Variants in NRG3 observed in about 807,000 individuals in gnomAD.
The protein encoded by NRG3 is pro-neuregulin-3, membrane-bound isoform.
NRG3 carries 31 observed loss-of-function variants against 66.9 expected under a neutral mutation model. The observed-to-expected ratio is 0.46, with a 90% confidence interval of 0.35 to 0.63. The LOEUF (loss-of-function observed/expected upper bound fraction) is 0.63. Ranked by LOEUF, NRG3 falls within the 20% of genes least tolerant of loss-of-function variation. NRG3 has a pLI of 0.00. For synonymous variants in NRG3, 393 were observed against 359.4 expected (o/e 1.09, Z -1.06); for missense variants, 910 against 878.9 (o/e 1.04, Z -0.45).
chr10:82,896,995 G>A (rs1843714431), intron 4 of NRG3, among the ~76,000 whole-genome samples: 1 of 152,194 alleles, frequency 6.6e-6, no homozygotes, highest in African/African-American at 2.4e-5. Context: ...CTGCTCATGA[G>A]AGAAGAAATT....
At chr10:81,894,758 C>T (rs1157027143) in intron 1 of NRG3, among the ~76,000 whole-genome samples, 1 of 152,184 alleles carries the variant, frequency 6.6e-6, no homozygotes, top group Non-Finnish European at 1.5e-5. Context: ...TTCCACTGTT[C>T]TGCTCCATTG....
chr10:82,530,929 A>G (rs1847187284), intron 2 of NRG3, among the ~76,000 whole-genome samples: 1 of 151,906 alleles, frequency 6.6e-6, no homozygotes, highest in Admixed American at 6.6e-5. Context: ...GAATGATAAA[A>G]GGCAATTTAT....
chr10:82,115,101 A>G (rs1368020929), intron 1 of NRG3, among the ~76,000 whole-genome samples: 3 of 152,078 alleles, frequency 2.0e-5, no homozygotes, highest in Non-Finnish European at 4.4e-5. Flanking sequence ...CTTGCTGCCT[A>G]CATGAGGCAG....
At chr10:82,789,647 C>A (rs1431732593) in intron 3 of NRG3, among the ~76,000 whole-genome samples, 1 of 151,898 alleles carries the variant, frequency 6.6e-6, no homozygotes, top group Non-Finnish European at 1.5e-5. Context: ...TAATATCTGC[C>A]TTTTATTGGA....
At chr10:82,721,418 G>A (rs973640976) in intron 2 of NRG3, among the ~76,000 whole-genome samples, 8 of 151,044 alleles carry the variant, frequency 5.3e-5, no homozygotes, top group South Asian at 4.2e-4. Flanking sequence ...GATTACAGGC[G>A]TGAGCCACCG....
At chr10:82,034,259 G>C (rs1035367886) in intron 1 of NRG3, among the ~76,000 whole-genome samples, 1 of 152,050 alleles carries the variant, frequency 6.6e-6, no homozygotes, top group Non-Finnish European at 1.5e-5. Flanking sequence ...TTATTTAAAG[G>C]TTCTTAAATT....
intron 3 of NRG3, 83 bp downstream of exon 3, chr10:82,738,733 C>G (rs374961929): frequency 5.0e-6 from 6 of 1,208,272 alleles, no homozygotes; most frequent in South Asian, 4.9e-5. Flanking sequence ...CAGCTGAAAG[C>G]TATATTTCAG....
At chr10:82,731,366 CAAAA>C (rs557587083) in intron 2 of NRG3, among the ~76,000 whole-genome samples, 1 of 85,418 alleles carries the variant, frequency 1.2e-5, no homozygotes. Context: ...TACTCTGTCT[CAAAA>C]AAAAAAAAAA....
At chr10:82,407,360 G>A (rs571296092) in intron 2 of NRG3, among the ~76,000 whole-genome samples, 1 of 152,074 alleles carries the variant, frequency 6.6e-6, no homozygotes, top group African/African-American at 2.4e-5. Flanking sequence ...GGATACAGAA[G>A]TAACCTACTC....
chr10:82,833,100 G>T (rs1371279796), intron 3 of NRG3, among the ~76,000 whole-genome samples: 4 of 152,020 alleles, frequency 2.6e-5, no homozygotes, highest in Non-Finnish European at 5.9e-5. Context: ...TTAGAAAGGA[G>T]GTGCTCTTAA....
In NRG3 at chr10:82,951,580, A is replaced by G. The variant is rs770820374; in HGVS notation, c.1157+9A>G. The stretch of plus-strand genomic sequence containing the variant: ...TTCTACTTCAAAAGCAAGTAAGACT[A>G]TTTCTCTCAAGTGTTTAAAGGTTAC... On this transcript the variant is annotated intron_variant, in intron 5 of 8. Transcript: ENST00000372141. 118 of 1,607,344 alleles carry G rather than the reference A, an allele frequency of 7.3e-5. No individual in the cohort carries two copies. Among genetic ancestry groups the G allele is most frequent in the South Asian group, 9.9e-5 (9 of 90,762 alleles).
rs1441298702 is a variant in NRG3, at chr10:82,807,162, A to C, written c.1028-58249A>C. Among the ~76,000 whole-genome samples the C allele has an allele frequency of 2.0e-5, 3 of 152,174 alleles. No individual in the cohort carries two copies. The East Asian group carries it at 5.8e-4, about 29-fold the overall frequency. On this transcript the variant is annotated intron_variant, in intron 3 of 8. Transcript: ENST00000372141. ...TCCAACAATTTCTTTCCCTCTAATCATGTTCTGCTTCTAAATGAGACATCT... is the reference window on the plus strand; with the variant it reads ...TCCAACAATTTCTTTCCCTCTAATCCTGTTCTGCTTCTAAATGAGACATCT...
intron 1 of NRG3, among the ~76,000 whole-genome samples, chr10:81,944,934 T>C: frequency 6.6e-6 from 1 of 152,050 alleles, no homozygotes; most frequent in East Asian, 1.9e-4. Context: ...ATTTTAACCC[T>C]CAACCACCAC....
intron 2 of NRG3, among the ~76,000 whole-genome samples, chr10:82,373,886 G>A (rs1257738964): frequency 6.6e-6 from 1 of 152,126 alleles, no homozygotes; most frequent in Non-Finnish European, 1.5e-5. Context: ...TTAAATAGTA[G>A]CTTTGATCTC....
Position 81,934,549 on chromosome 10 carries a change from A to G in NRG3, c.823+58386A>G, listed in dbSNP as rs114112924. Among the ~76,000 whole-genome samples the G allele has an allele frequency of 7.4e-3, 1,127 of 152,256 alleles. 13 individuals carry two copies. The highest frequency in any genetic ancestry group is 0.026 in the African/African-American group (1,072 of 41,542). ...AGACACTGTACTTTTGAGGATGGCA[A>G]ATCTATGGAAAGTGACTCATCCAAG... On this transcript the variant is annotated intron_variant, in intron 1 of 8. Coordinates refer to ENST00000372141, the MANE Select transcript of NRG3 (RefSeq NM_001010848.4).
At chr10:82,564,925 T>C (rs117788348) in intron 2 of NRG3, among the ~76,000 whole-genome samples, 2,769 of 152,218 alleles carry the variant, frequency 0.018, 31 homozygotes, top group Middle Eastern at 0.068. Flanking sequence ...ACAAAAGTAT[T>C]GCAGGCCTCT....
At chr10:82,204,410 C>T (rs1353995640) in intron 1 of NRG3, among the ~76,000 whole-genome samples, 2 of 152,172 alleles carry the variant, frequency 1.3e-5, no homozygotes, top group Non-Finnish European at 2.9e-5. Flanking sequence ...CTCCTTTGCC[C>T]TCTAACTTCT....
At chr10:82,145,074 G>A (rs575867742) in intron 1 of NRG3, among the ~76,000 whole-genome samples, 2 of 152,316 alleles carry the variant, frequency 1.3e-5, no homozygotes, top group South Asian at 2.1e-4. Flanking sequence ...AGGGGATGCA[G>A]CTGTCTGCAT....
At chr10:82,934,357 C>T (rs1355353878) in intron 4 of NRG3, among the ~76,000 whole-genome samples, 1 of 152,172 alleles carries the variant, frequency 6.6e-6, no homozygotes, top group Non-Finnish European at 1.5e-5. Flanking sequence ...TCCCCAGAGA[C>T]CTTAAAATTC....
Sources: gnomAD v4.1 joint callset for allele counts (sites outside exome capture counted in the v4.1 genomes callset) on GRCh38, gnomAD v4.1.1 for gene constraint, MANE v1.5 for transcripts, NCBI Gene and HGNC (gene_info 2026-07-23, HGNC 2026-07-21) for gene names.